The following NEBL variants were observed in gnomAD, a reference collection of about 807,000 sequenced individuals.
NEBL encodes nebulette, also known as LIM and SH3 protein 2.
Under a neutral mutation model 140.2 loss-of-function variants are expected in NEBL, and 122 were observed. The ratio of observed to expected loss-of-function variants is 0.87; its 90% confidence interval spans 0.75 to 1.01. NEBL has a LOEUF of 1.01. Among genes scored for constraint, NEBL ranks in the 50% least tolerant of loss-of-function variants. The pLI, the probability that NEBL is intolerant of heterozygous loss-of-function variation, is 0.00. For synonymous variants in NEBL, 436 were observed against 398.9 expected, an observed-to-expected ratio of 1.09 and a Z score of -1.11; for missense variants, 1,365 against 1,231.3, an observed-to-expected ratio of 1.11 and a Z score of -1.62.
In NEBL at chr10:20,883,602, CCTT is replaced by C. The variant is rs201098393; in HGVS notation, c.370-2701_370-2699del. ...AGGAAAAACTTCTATGAGATTTGCT[CCTT>C]CTTCTTAAATGAAAAGAACTAGTAT... On this transcript the variant is annotated intron_variant, in intron 4 of 27. Transcript: ENST00000377122. 3.5e-3 allele frequency among the ~76,000 whole-genome samples: 533 copies of C among 152,272 alleles called. 8 individuals are homozygous for C. Among genetic ancestry groups the C allele is most frequent in the African/African-American group, 0.011 (465 of 41,566 alleles).
chr10:21,156,192 C>T (rs561666343), intron 2 of NEBL, among the ~76,000 whole-genome samples: 58 of 152,304 alleles, frequency 3.8e-4, no homozygotes, highest in Middle Eastern at 3.4e-3. Flanking sequence ...ATGTAATTTG[C>T]GAGAAGTAGC....
intron 2 of NEBL, among the ~76,000 whole-genome samples, chr10:21,106,881 C>A (rs1214077964): frequency 6.6e-6 from 1 of 152,092 alleles, no homozygotes; most frequent in African/African-American, 2.4e-5. Flanking sequence ...GTTTTTAGTT[C>A]TCCTTGAAGG....
intron 2 of NEBL, among the ~76,000 whole-genome samples, chr10:21,145,525 T>C (rs1001253416): frequency 5.9e-5 from 9 of 152,208 alleles, no homozygotes; most frequent in African/African-American, 2.2e-4. Context: ...AAGTATCTGT[T>C]GAATAAATGA....
At position 20,906,302 on chromosome 10, in the gene NEBL, C is replaced by T. The variant is rs187108746; in HGVS notation, c.357+55370G>A. Among the ~76,000 whole-genome samples, 522 of 152,174 alleles carry T rather than the reference C, an allele frequency of 3.4e-3. 2 individuals carry two copies. Among genetic ancestry groups the T allele is most frequent in the African/African-American group, 0.012 (503 of 41,512 alleles). ...AACCTTAAGCATCAAGTTACTAACA[C>T]CTATGTTCACTGAGGAATCCTTCTT... On this transcript the variant is annotated intron_variant, in intron 4 of 6. Coordinates refer to the NEBL transcript ENST00000417816.
intron 4 of NEBL, among the ~76,000 whole-genome samples, chr10:20,940,918 A>G (rs1834820126): frequency 6.6e-6 from 1 of 152,212 alleles, no homozygotes; most frequent in African/African-American, 2.4e-5. Flanking sequence ...GACCAATAAC[A>G]GGCTCTGAAA....
Position 21,173,995 on chromosome 10 carries a change from G to A in NEBL, c.-162C>T. 8.2e-7 allele frequency: 1 copy of A among 1,216,386 alleles called. No homozygotes were observed. The highest frequency in any genetic ancestry group is 1.0e-6 in the Non-Finnish European group (1 of 981,494). 75.3% of individuals were successfully genotyped at this position (1,216,386 alleles called of 1,614,324 possible). A position where few individuals can be genotyped will look rare whatever the true frequency, so the allele number is the denominator to read the frequency against. On this transcript the variant is annotated 5_prime_UTR_variant, in exon 1 of 7. Coordinates refer to the NEBL transcript ENST00000417816. The surrounding 1 kb of genome is among the most constrained non-coding windows in gnomAD (Gnocchi z 5.7). ...GCCGGGCCACGGGTGAGTGCACGGG[G>A]AGGGCGACGGGGCCTGGCGCCTGGG...
intron 4 of NEBL, among the ~76,000 whole-genome samples, chr10:20,945,446 A>T (rs148968241): frequency 0.022 from 3,372 of 152,324 alleles, 49 homozygotes; most frequent in Non-Finnish European, 0.037. Flanking sequence ...TGGAGGAACA[A>T]GTAAAGTAAG....
chr10:21,175,859 G>C (rs1413572596), upstream of NEBL, among the ~76,000 whole-genome samples: 1 of 152,176 alleles, frequency 6.6e-6, no homozygotes, highest in African/African-American at 2.4e-5. Flanking sequence ...CATAACTGTA[G>C]ATCATGAAAT....
intron 2 of NEBL, among the ~76,000 whole-genome samples, chr10:21,094,257 C>T (rs1049422729): frequency 6.6e-6 from 1 of 151,992 alleles, no homozygotes; most frequent in South Asian, 2.1e-4. Flanking sequence ...AATCCCAGCA[C>T]TTTGGGAGGC....
upstream of NEBL, chr10:20,897,322 AAGCCTC>A: frequency 6.7e-7 from 1 of 1,498,868 alleles, no homozygotes; most frequent in Non-Finnish European, 8.8e-7. Flanking sequence ...GCCCTTGCCC[AAGCCTC>A]AGCCCTATTT....
intron 2 of NEBL, among the ~76,000 whole-genome samples, chr10:21,123,567 C>G (rs1017852477): frequency 1.3e-5 from 2 of 152,040 alleles, no homozygotes; most frequent in African/African-American, 4.8e-5. Flanking sequence ...TTTGAATTTA[C>G]TGATGTTATT....
At chr10:21,218,576 T>C (rs1224558155) in intron 3 of NEBL, among the ~76,000 whole-genome samples, 1 of 152,190 alleles carries the variant, frequency 6.6e-6, no homozygotes, top group African/African-American at 2.4e-5. Context: ...TGCAGGAGTG[T>C]TGAGGAGGAA....
intron 3 of NEBL, among the ~76,000 whole-genome samples, chr10:20,982,110 T>C (rs1395778606): frequency 1.1e-4 from 16 of 152,226 alleles, no homozygotes; most frequent in Admixed American, 9.8e-4. Flanking sequence ...TGATCAACGT[T>C]CAATTACCCA....
At chr10:21,181,666 C>T (rs1052124480) in intron 3 of NEBL, among the ~76,000 whole-genome samples, 3 of 152,176 alleles carry the variant, frequency 2.0e-5, no homozygotes, top group African/African-American at 7.2e-5. Flanking sequence ...TGCTTTTCAC[C>T]CTCATCTGCC....
chr10:21,129,372 G>A (rs1017323485), intron 2 of NEBL, among the ~76,000 whole-genome samples: 1 of 151,822 alleles, frequency 6.6e-6, no homozygotes, highest in African/African-American at 2.4e-5. Context: ...TTAGCCTTTT[G>A]AGTGGCTAGG....
At chr10:20,956,694 G>T (rs1395537536) in intron 4 of NEBL, among the ~76,000 whole-genome samples, 1 of 151,822 alleles carries the variant, frequency 6.6e-6, no homozygotes, top group Non-Finnish European at 1.5e-5. Flanking sequence ...TAAAACTTCT[G>T]CTTTTTGTAT....
intron 2 of NEBL, among the ~76,000 whole-genome samples, chr10:21,153,638 C>T (rs1280738125): frequency 6.6e-5 from 10 of 152,134 alleles, no homozygotes; most frequent in African/African-American, 2.4e-4. Flanking sequence ...AAGTGAATCT[C>T]CTGAGTAGCT....
chr10:20,937,902 G>A (rs1001375342), intron 4 of NEBL, among the ~76,000 whole-genome samples: 6 of 152,198 alleles, frequency 3.9e-5, no homozygotes, highest in Non-Finnish European at 7.3e-5. Flanking sequence ...AGGGGCGCCC[G>A]CCATTGCCCA....
Position 20,785,659 on chromosome 10 carries a change from C to A in NEBL, c.*88G>T. The A allele has an allele frequency of 4.1e-6, 6 of 1,446,188 alleles. No individual in the cohort carries two copies. Among genetic ancestry groups the A allele is most frequent in the Non-Finnish European group, 5.7e-6 (6 of 1,053,464 alleles). 89.6% of individuals were successfully genotyped at this position (1,446,188 alleles called of 1,614,324 possible). A position where few individuals can be genotyped will look rare whatever the true frequency, so the allele number is the denominator to read the frequency against. On this transcript the variant is annotated 3_prime_UTR_variant, in exon 28 of 28. Coordinates refer to ENST00000377122, the MANE Select transcript of NEBL (RefSeq NM_006393.3). The stretch of plus-strand genomic sequence containing the variant: ...AGGATACATCATTGTAAAATAATGG[C>A]CAAGTTGTCTTAAAAGTATCTTCTA...
Sources: gnomAD v4.1 joint callset for allele counts (sites outside exome capture counted in the v4.1 genomes callset) on GRCh38, gnomAD v4.1.1 for gene constraint, Gnocchi (gnomAD v3.1) non-coding constraint, MANE v1.5 for transcripts, NCBI Gene and HGNC (gene_info 2026-07-23, HGNC 2026-07-21) for gene names.